SPON1: variants seen among roughly 807,000 people sequenced by gnomAD.
SPON1 encodes the protein spondin 1, also known as spondin-1.
Under a neutral mutation model 111.7 loss-of-function variants are expected in SPON1, and 52 were observed. The ratio of observed to expected loss-of-function variants is 0.47; its 90% CI spans 0.37 to 0.59. SPON1 has a LOEUF of 0.59. Among genes scored for constraint, SPON1 ranks in the 20% least tolerant of loss-of-function variants. SPON1 has a pLI of 0.00. For missense variants in SPON1, 957 were observed against 1,068.5 expected (o/e 0.90, Z 1.46); for synonymous variants, 410 against 395.8 (o/e 1.04, Z -0.43).
intron 6 of SPON1, among the ~76,000 whole-genome samples, chr11:14,154,427 C>T (rs1021090976): frequency 6.6e-6 from 1 of 152,238 alleles, no homozygotes; most frequent in Non-Finnish European, 1.5e-5. Flanking sequence ...CCCTCTGGAG[C>T]TGTGACCTGA....
chr11:14,182,051 T>C (rs530575225), intron 6 of SPON1, among the ~76,000 whole-genome samples: 21 of 152,252 alleles, frequency 1.4e-4, no homozygotes, highest in African/African-American at 5.1e-4. Context: ...CTAAAAAAAT[T>C]GGTAACTTGT....
At chr11:14,027,215 AC>A (rs1848525353) in intron 2 of SPON1, among the ~76,000 whole-genome samples, 1 of 152,210 alleles carries the variant, frequency 6.6e-6, no homozygotes, top group Admixed American at 6.5e-5. Flanking sequence ...AGAGCTGCAA[AC>A]AAAATCTGGC....
chr11:14,140,024 G>T (rs572336380), intron 6 of SPON1, among the ~76,000 whole-genome samples: 10 of 152,304 alleles, frequency 6.6e-5, no homozygotes, highest in Admixed American at 1.3e-4. Flanking sequence ...GGACCACTTT[G>T]TCTCTACTCA....
chr11:14,032,516 C>T (rs1395012832), intron 2 of SPON1, among the ~76,000 whole-genome samples: 1 of 152,132 alleles, frequency 6.6e-6, no homozygotes, highest in Non-Finnish European at 1.5e-5. Context: ...CACAACATAC[C>T]GAGGGCCTGT....
chr11:14,001,372 G>A (rs1848317681), intron 2 of SPON1, among the ~76,000 whole-genome samples: 1 of 152,122 alleles, frequency 6.6e-6, no homozygotes, highest in East Asian at 1.9e-4. Context: ...TTGAGGCATG[G>A]GAAGGGAAAA....
intron 2 of SPON1, among the ~76,000 whole-genome samples, chr11:14,033,949 C>T (rs547703867): frequency 6.6e-6 from 1 of 152,212 alleles, no homozygotes; most frequent in East Asian, 1.9e-4. Context: ...TAAACTTAAC[C>T]CAAGAAGGTT....
chr11:14,056,047 A>C (rs1273821695), intron 3 of SPON1, among the ~76,000 whole-genome samples: 1 of 152,196 alleles, frequency 6.6e-6, no homozygotes, highest in Non-Finnish European at 1.5e-5. Context: ...GTAGTTAAGA[A>C]GGTGGACTTC....
At chr11:14,221,019 G>C (rs1414744903) in intron 6 of SPON1, among the ~76,000 whole-genome samples, 1 of 152,226 alleles carries the variant, frequency 6.6e-6, no homozygotes, top group African/African-American at 2.4e-5. Flanking sequence ...TCCAAGGGAA[G>C]TCCTTTCAGG....
At position 14,019,275 on chromosome 11, in the gene SPON1, C is replaced by T. The variant is rs544343219; in HGVS notation, c.346-22246C>T. Among the ~76,000 whole-genome samples the T allele has an allele frequency of 5.1e-4, 78 of 151,940 alleles. 1 individual carries two copies. Among genetic ancestry groups the T allele is most frequent in the Non-Finnish European group, 9.9e-4 (67 of 67,986 alleles). ...CCTCTGTGCCTCAGTTCAGTTTTCT[C>T]ACTAATAAGATGGGAATAATGGCAC... On this transcript the variant is annotated intron_variant, in intron 2 of 15. Transcript: ENST00000576479.
intron 6 of SPON1, among the ~76,000 whole-genome samples, chr11:14,208,080 A>T (rs1554936366): frequency 6.6e-6 from 1 of 152,218 alleles, no homozygotes; most frequent in African/African-American, 2.4e-5. Context: ...GGAGGCCATT[A>T]TCCATAGCAA....
At chr11:14,027,324 C>T (rs1367604289) in intron 2 of SPON1, among the ~76,000 whole-genome samples, 1 of 152,134 alleles carries the variant, frequency 6.6e-6, no homozygotes, top group Non-Finnish European at 1.5e-5. Flanking sequence ...TTGGTGATGT[C>T]GTGGAAAGGT....
At chr11:14,077,775 G>A (rs951401428) in intron 4 of SPON1, among the ~76,000 whole-genome samples, 9 of 151,292 alleles carry the variant, frequency 5.9e-5, no homozygotes, top group Non-Finnish European at 1.2e-4. Flanking sequence ...ATGAGCTACC[G>A]TGCCCGGCCC....
intron 5 of SPON1, among the ~76,000 whole-genome samples, chr11:14,088,520 C>T (rs1219932432): frequency 6.6e-6 from 1 of 152,082 alleles, no homozygotes; most frequent in Non-Finnish European, 1.5e-5. Context: ...TTATGGGCTT[C>T]CCTTTGTGGG....
intron 3 of SPON1, among the ~76,000 whole-genome samples, chr11:14,069,758 T>C (rs1437145087): frequency 6.6e-6 from 1 of 152,068 alleles, no homozygotes; most frequent in East Asian, 1.9e-4. Context: ...ATTGCTTTTT[T>C]GCAGTCATGG....
In SPON1 at chr11:14,154,525, G is replaced by A. The variant is rs186876085; in HGVS notation, c.825+18957G>A. 1.6e-4 allele frequency among the ~76,000 whole-genome samples: 24 copies of A among 152,342 alleles called. No individual in the cohort carries two copies. The East Asian group carries it at 4.6e-3, about 29-fold the overall frequency. On this transcript the variant is annotated intron_variant, in intron 6 of 15. Transcript: ENST00000576479. ...GTCCCAGGGCTGCACAAGGCAGTGG[G>A]ACCCTGTGCCTGGCCCACAAAACCA... is the stretch of plus-strand genomic sequence containing the variant.
Position 14,262,693 on chromosome 11 carries a change from C to A in SPON1, c.1997-19C>A. On this transcript the variant is annotated intron_variant, in intron 14 of 15. Coordinates refer to ENST00000576479, the MANE Select transcript of SPON1 (RefSeq NM_006108.4). ...GTTTCAGACATGTGATACACTCATG[C>A]CCATCTGTGTCTTGCCAGCCATTGA... The A allele has an allele frequency of 1.2e-6, 2 of 1,613,694 alleles. No individual in the cohort carries two copies. The highest frequency in any genetic ancestry group is 1.7e-6 in the Non-Finnish European group (2 of 1,179,740).
intron 5 of SPON1, among the ~76,000 whole-genome samples, chr11:14,090,823 G>GCCCCCCC (rs1360339677): frequency 3.7e-5 from 1 of 27,052 alleles, no homozygotes; most frequent in African/African-American, 2.7e-4. Flanking sequence ...TCTCTTATCT[G>GCCCCCCC]GCCCCCCCCC....
rs74625211 is a variant in SPON1, at chr11:14,217,160, G to C, written c.826-26172G>C. 2.6e-4 allele frequency among the ~76,000 whole-genome samples: 39 copies of C among 152,266 alleles called. No homozygotes were observed. The East Asian group carries it at 7.3e-3, about 29-fold the overall frequency. ...ATCCCACTCCAAAGCAGATCAGATG[G>C]TTGTCTTGCTTGTATCAGAGCTAAT... On this transcript the variant is annotated intron_variant, in intron 6 of 15. Transcript: ENST00000576479.
At chr11:14,046,662 A>G in intron 3 of SPON1, among the ~76,000 whole-genome samples, 1 of 152,192 alleles carries the variant, frequency 6.6e-6, no homozygotes. Flanking sequence ...GTCATTGCTC[A>G]TTAGTCTTCT....
Sources: allele counts gnomAD v4.1 joint callset (sites outside exome capture counted in the v4.1 genomes callset), GRCh38; gene constraint gnomAD v4.1.1; transcripts MANE v1.5; gene names NCBI Gene and HGNC (gene_info 2026-07-23, HGNC 2026-07-21).